Variants in ADAM18 observed in about 807,000 individuals in gnomAD.
ADAM18 encodes the protein ADAM metallopeptidase domain 18.
In ADAM18, 117 loss-of-function variants were observed where a neutral mutation model predicts 94.4. The observed-to-expected ratio is 1.24, with a 90% confidence interval of 1.07 to 1.45. ADAM18 has a LOEUF of 1.45. ADAM18 is among the 40% of genes most tolerant of loss of function. The probability of loss-of-function intolerance (pLI) is 0.00; values close to 1 mark genes in which losing one functional copy is unlikely to be tolerated. For synonymous variants in ADAM18, 327 were observed against 291.6 expected (o/e 1.12, Z -1.24); for missense variants, 936 against 880.0 (o/e 1.06, Z -0.81).
At chr8:39,715,940 C>T (rs907634043) in intron 18 of ADAM18, among the ~76,000 whole-genome samples, 8 of 151,890 alleles carry the variant, frequency 5.3e-5, no homozygotes, top group Non-Finnish European at 7.4e-5. Flanking sequence ...CTAACTCATT[C>T]GATAATGCCA....
chr8:39,697,615 C>T (rs1821960658), intron 17 of ADAM18, among the ~76,000 whole-genome samples: 1 of 151,658 alleles, frequency 6.6e-6, no homozygotes, highest in African/African-American at 2.4e-5. Context: ...CATATATTTA[C>T]TCTTTCTATT....
chr8:39,605,260 T>C (rs143594222), intron 2 of ADAM18, among the ~76,000 whole-genome samples: 1 of 152,314 alleles, frequency 6.6e-6, no homozygotes, highest in South Asian at 2.1e-4. Flanking sequence ...GATAGACCTC[T>C]GTCTGCATCT....
chr8:39,585,694 G>A (rs1043378923), intron 2 of ADAM18, among the ~76,000 whole-genome samples: 6 of 152,226 alleles, frequency 3.9e-5, no homozygotes, highest in South Asian at 2.1e-4. Context: ...AAATGATGTA[G>A]AAATTTGTCA....
At chr8:39,601,493 CTTA>C (rs1818902626) in intron 2 of ADAM18, among the ~76,000 whole-genome samples, 1 of 152,074 alleles carries the variant, frequency 6.6e-6, no homozygotes. Context: ...AATATTATTT[CTTA>C]TTATCGTGGT....
intron 2 of ADAM18, among the ~76,000 whole-genome samples, chr8:39,598,968 C>T (rs560598579): frequency 2.0e-4 from 30 of 152,060 alleles, no homozygotes; most frequent in Middle Eastern, 3.4e-3. Flanking sequence ...CCCACCAACA[C>T]GCCCGGCTAA....
intron 11 of ADAM18, among the ~76,000 whole-genome samples, chr8:39,646,811 A>G (rs762905835): frequency 9.2e-5 from 14 of 152,254 alleles, no homozygotes; most frequent in Admixed American, 2.0e-4. Flanking sequence ...GTAATATGAG[A>G]TGAAATTTTG....
At chr8:39,711,575 C>A (rs965573648) in intron 18 of ADAM18, among the ~76,000 whole-genome samples, 1 of 152,030 alleles carries the variant, frequency 6.6e-6, no homozygotes, top group South Asian at 2.1e-4. Context: ...CTAAATGGAA[C>A]TGAACAAATT....
At chr8:39,720,619 C>CA (rs1364512383) in intron 18 of ADAM18, among the ~76,000 whole-genome samples, 2 of 151,250 alleles carry the variant, frequency 1.3e-5, no homozygotes, top group Non-Finnish European at 3.0e-5. Context: ...CACATCAAAA[C>CA]AAAAAATATT....
At chr8:39,720,291 T>A (rs745321180) in intron 18 of ADAM18, among the ~76,000 whole-genome samples, 1 of 151,454 alleles carries the variant, frequency 6.6e-6, no homozygotes, top group Non-Finnish European at 1.5e-5. Flanking sequence ...ACCAGATTAG[T>A]GACTGCCTGT....
chr8:39,713,699 A>G (rs924206630), intron 18 of ADAM18, among the ~76,000 whole-genome samples: 30 of 152,250 alleles, frequency 2.0e-4, no homozygotes, highest in African/African-American at 7.2e-4. Flanking sequence ...AATGCTCATC[A>G]TCACTGGCCA....
intron 10 of ADAM18, among the ~76,000 whole-genome samples, chr8:39,642,033 A>G (rs779005096): frequency 2.0e-5 from 3 of 152,046 alleles, no homozygotes; most frequent in Non-Finnish European, 4.4e-5. Flanking sequence ...TTTTTCTCAT[A>G]TGATTGTTGG....
At chr8:39,647,849 GGGGCAAAGTGGCTA>G (rs1820427497) in intron 11 of ADAM18, among the ~76,000 whole-genome samples, 1 of 152,300 alleles carries the variant, frequency 6.6e-6, no homozygotes, top group South Asian at 2.1e-4. Flanking sequence ...GCTCAAGGTT[GGGGCAAAGTGGCTA>G]GGGCAAAGTT....
At chr8:39,678,246 G>GA (rs1468604740) in intron 15 of ADAM18, among the ~76,000 whole-genome samples, 1 of 152,130 alleles carries the variant, frequency 6.6e-6, no homozygotes, top group Non-Finnish European at 1.5e-5. Flanking sequence ...TTATAGCCAG[G>GA]AAAAACCATA....
At chr8:39,640,583 A>G (rs1820209881) in intron 10 of ADAM18, among the ~76,000 whole-genome samples, 1 of 152,090 alleles carries the variant, frequency 6.6e-6, no homozygotes, top group Non-Finnish European at 1.5e-5. Context: ...TTCTGCCTCT[A>G]AGTCTTTGAG....
At chr8:39,591,879 G>A (rs1486404150) in intron 2 of ADAM18, among the ~76,000 whole-genome samples, 2 of 152,166 alleles carry the variant, frequency 1.3e-5, no homozygotes, top group Non-Finnish European at 2.9e-5. Context: ...AGTCAAAATA[G>A]CTCCTTGACT....
At chr8:39,682,228 T>C (rs928348304) in intron 16 of ADAM18, among the ~76,000 whole-genome samples, 1 of 152,232 alleles carries the variant, frequency 6.6e-6, no homozygotes, top group Admixed American at 6.5e-5. Context: ...CTTCAGAGCT[T>C]TGTCTTTCAG....
At chr8:39,654,635 T>C (rs991526784) in intron 12 of ADAM18, among the ~76,000 whole-genome samples, 1 of 142,708 alleles carries the variant, frequency 7.0e-6, no homozygotes, top group Non-Finnish European at 1.5e-5. Flanking sequence ...CTTTCCATAA[T>C]AACTATAATA....
At chr8:39,696,854 T>G (rs1821940568) in intron 17 of ADAM18, among the ~76,000 whole-genome samples, 1 of 151,588 alleles carries the variant, frequency 6.6e-6, no homozygotes, top group South Asian at 2.1e-4. Context: ...CTGAAGTGCC[T>G]TGGGATTCCA....
intron 16 of ADAM18, among the ~76,000 whole-genome samples, chr8:39,680,472 TACTA>T (rs2129580563): frequency 6.6e-6 from 1 of 152,206 alleles, no homozygotes; most frequent in East Asian, 1.9e-4. Flanking sequence ...CACAAGATTT[TACTA>T]ACTGACATCT....
Sources: gnomAD v4.1 joint callset for allele counts (sites outside exome capture counted in the v4.1 genomes callset) on GRCh38, gnomAD v4.1.1 for gene constraint, MANE v1.5 for transcripts, NCBI Gene and HGNC (gene_info 2026-07-23, HGNC 2026-07-21) for gene names.